The following DSCAML1 variants were observed in gnomAD, a reference collection of about 807,000 sequenced individuals.
DSCAML1 encodes the protein DS cell adhesion molecule like 1, also known as cell adhesion molecule DSCAML1.
A neutral mutation model predicts 200.5 loss-of-function variants in DSCAML1; 38 were observed. The ratio of observed to expected loss-of-function variants is 0.19; its 90% confidence interval spans 0.15 to 0.25. The LOEUF (loss-of-function observed/expected upper bound fraction) is 0.25. DSCAML1 is among the 10% of genes least tolerant of loss of function. The pLI is 1.00. For missense variants in DSCAML1, 2,223 were observed against 2,858.8 expected (o/e 0.78, Z 5.07); for synonymous variants, 1,215 against 1,165.0 (o/e 1.04, Z -0.87).
At chr11:117,665,478 C>T (rs755650654) in intron 3 of DSCAML1, among the ~76,000 whole-genome samples, 25 of 152,108 alleles carry the variant, frequency 1.6e-4, no homozygotes, top group Admixed American at 1.3e-4. Context: ...GGAGTGGCTC[C>T]GGGTTTTTGG....
chr11:117,724,382 G>T (rs541949247), intron 3 of DSCAML1, among the ~76,000 whole-genome samples: 10 of 152,178 alleles, frequency 6.6e-5, no homozygotes, highest in Admixed American at 1.3e-4. Flanking sequence ...AGGAAGACCC[G>T]CCAGGAAGAG....
chr11:117,486,597 G>A (rs912315369), intron 11 of DSCAML1, among the ~76,000 whole-genome samples: 1 of 152,194 alleles, frequency 6.6e-6, no homozygotes, highest in African/African-American at 2.4e-5. Context: ...TCCAGGCCTT[G>A]CCCCTAAAAG....
chr11:117,676,569 C>G (rs541012739), intron 3 of DSCAML1, among the ~76,000 whole-genome samples: 2 of 152,224 alleles, frequency 1.3e-5, no homozygotes, highest in African/African-American at 4.8e-5. Flanking sequence ...ACGGGGTGCT[C>G]CTGGGACCAG....
chr11:117,456,482 T>A (rs961882155), intron 19 of DSCAML1, among the ~76,000 whole-genome samples: 1 of 152,146 alleles, frequency 6.6e-6, no homozygotes, highest in African/African-American at 2.4e-5. Flanking sequence ...ATTTGGAAAG[T>A]AGCTTTCACT....
At chr11:117,705,962 C>T (rs2053752406) in intron 3 of DSCAML1, among the ~76,000 whole-genome samples, 1 of 152,164 alleles carries the variant, frequency 6.6e-6, no homozygotes, top group African/African-American at 2.4e-5. Flanking sequence ...GACTTGGCGT[C>T]AGCTTTTGGT....
At position 117,642,476 on chromosome 11, in the gene DSCAML1, A is replaced by G. The variant is rs1410645670; in HGVS notation, c.512-109954T>C. Among the ~76,000 whole-genome samples the G allele has an allele frequency of 6.6e-6, 1 of 152,204 alleles. No individual in the cohort carries two copies. The highest frequency in any genetic ancestry group is 1.5e-5 in the Non-Finnish European group (1 of 68,036). Reference sequence around the variant, plus strand: ...GGAACTGTCAGGCCCCACTGCCAACATGCTCAGTAGGACACTAGACCAGCA... The same window carrying G: ...GGAACTGTCAGGCCCCACTGCCAACGTGCTCAGTAGGACACTAGACCAGCA... On this transcript the variant is annotated intron_variant, in intron 3 of 32. Coordinates refer to ENST00000651296, the MANE Select transcript of DSCAML1 (RefSeq NM_020693.4). The surrounding 1 kb of genome is among the most constrained non-coding windows in gnomAD (Gnocchi z 4.1).
chr11:117,692,295 A>G (rs2137722155), intron 3 of DSCAML1, among the ~76,000 whole-genome samples: 1 of 152,056 alleles, frequency 6.6e-6, no homozygotes, highest in South Asian at 2.1e-4. Flanking sequence ...TGTGACTGAG[A>G]GCAGGGGAGA....
intron 3 of DSCAML1, among the ~76,000 whole-genome samples, chr11:117,596,403 AT>A (rs1029416166): frequency 6.7e-6 from 1 of 150,264 alleles, no homozygotes; most frequent in Admixed American, 6.6e-5. Context: ...AAAAAAAAAA[AT>A]CTCAGTAGGA....
Position 117,626,205 on chromosome 11 carries a change from C to A in DSCAML1, c.512-93683G>T, listed in dbSNP as rs974713038. 5.8e-5 allele frequency among the ~76,000 whole-genome samples: 5 copies of A among 86,338 alleles called. No individual in the cohort carries two copies. In the South Asian group the frequency reaches 9.2e-4, roughly 16 times the overall value. The allele number at this position is 86,338 out of a possible 152,430, so 56.6% of individuals were successfully genotyped here. The stretch of plus-strand genomic sequence containing the variant: ...ACAGCCCACTCTTGCTGAGACCCCC[C>A]CCCCTCCTTCTTCTGGCATGAGACC... On this transcript the variant is annotated intron_variant, in intron 3 of 32. Coordinates refer to ENST00000651296, the MANE Select transcript of DSCAML1 (RefSeq NM_020693.4).
At chr11:117,572,680 A>G (rs968033307) in intron 3 of DSCAML1, among the ~76,000 whole-genome samples, 3 of 152,202 alleles carry the variant, frequency 2.0e-5, no homozygotes, top group Non-Finnish European at 4.4e-5. Flanking sequence ...AGGCGGGGAT[A>G]TGCTATGCAA....
chr11:117,592,250 C>T (rs1422193366), intron 3 of DSCAML1, among the ~76,000 whole-genome samples: 1 of 152,194 alleles, frequency 6.6e-6, no homozygotes, highest in Non-Finnish European at 1.5e-5. Context: ...CACTCCGTAA[C>T]TCACAGTGCA....
At chr11:117,751,135 C>T (rs750271956) in intron 3 of DSCAML1, among the ~76,000 whole-genome samples, 4 of 152,034 alleles carry the variant, frequency 2.6e-5, no homozygotes, top group South Asian at 2.1e-4. Context: ...GTTGTTGGCA[C>T]GGACGTGACT....
intron 3 of DSCAML1, among the ~76,000 whole-genome samples, chr11:117,592,590 G>C (rs1379111421): frequency 6.6e-6 from 1 of 152,168 alleles, no homozygotes; most frequent in Non-Finnish European, 1.5e-5. Context: ...TAGGCTCACC[G>C]ATGGTCCATA....
chr11:117,757,808 TG>T (rs1474572031), intron 3 of DSCAML1, among the ~76,000 whole-genome samples: 2 of 151,860 alleles, frequency 1.3e-5, no homozygotes, highest in African/African-American at 4.8e-5. Context: ...CTGACCAACA[TG>T]GACAAACCCT....
intron 21 of DSCAML1, among the ~76,000 whole-genome samples, chr11:117,442,346 G>GTA (rs1592583108): frequency 1.3e-5 from 2 of 152,034 alleles, no homozygotes; most frequent in East Asian, 3.9e-4. Context: ...GTGTATGTGT[G>GTA]TGCATGTGTG....
chr11:117,685,870 G>T (rs1270909621), intron 3 of DSCAML1, among the ~76,000 whole-genome samples: 1 of 152,144 alleles, frequency 6.6e-6, no homozygotes, highest in Non-Finnish European at 1.5e-5. Flanking sequence ...CTGTCTAGGG[G>T]GCCATGAGAA....
intron 27 of DSCAML1, among the ~76,000 whole-genome samples, chr11:117,434,881 C>T (rs1207662322): frequency 1.3e-5 from 2 of 152,232 alleles, no homozygotes; most frequent in African/African-American, 2.4e-5. Flanking sequence ...TTACCCAATT[C>T]CTGAACACAA....
intron 32 of DSCAML1, among the ~76,000 whole-genome samples, chr11:117,429,768 G>A (rs1416776899): frequency 2.6e-5 from 4 of 152,310 alleles, no homozygotes; most frequent in Non-Finnish European, 5.9e-5. Context: ...GCCTGCAAAT[G>A]GGCCTCTTCC....
At chr11:117,710,882 A>T (rs2053837018) in intron 3 of DSCAML1, among the ~76,000 whole-genome samples, 1 of 152,192 alleles carries the variant, frequency 6.6e-6, no homozygotes, top group African/African-American at 2.4e-5. Context: ...GAAAGAGCAC[A>T]TCGAGCCCTA....
Sources: allele counts gnomAD v4.1 joint callset (sites outside exome capture counted in the v4.1 genomes callset), GRCh38; gene constraint gnomAD v4.1.1; non-coding constraint Gnocchi (gnomAD v3.1); transcripts MANE v1.5; gene names NCBI Gene and HGNC (gene_info 2026-07-23, HGNC 2026-07-21).